Variants in INPP5A observed in about 807,000 individuals in gnomAD.
INPP5A encodes the protein 43 kDa inositol polyphosphate 5-phophatase.
INPP5A carries 14 observed loss-of-function variants against 65.2 expected under a neutral mutation model. That is an observed-to-expected ratio of 0.21 (90% CI 0.14 to 0.34). INPP5A has a LOEUF of 0.34. Among genes scored for constraint, INPP5A ranks in the 10% least tolerant of loss-of-function variants. The probability of loss-of-function intolerance (pLI) is 1.00; values close to 1 mark genes in which losing one functional copy is unlikely to be tolerated. For synonymous variants in INPP5A, 207 were observed against 208.3 expected, an observed-to-expected ratio of 0.99 and a Z score of 0.05; for missense variants, 431 against 545.6, an observed-to-expected ratio of 0.79 and a Z score of 2.09.
rs1488350078 is a variant in INPP5A, at chr10:132,704,557, C to A, written c.475-3756C>A. Among the ~76,000 whole-genome samples, 2 of 152,252 alleles carry A rather than the reference C, an allele frequency of 1.3e-5. No individual in the cohort carries two copies. Among genetic ancestry groups the A allele is most frequent in the Non-Finnish European group, 2.9e-5 (2 of 68,048 alleles). On this transcript the variant is annotated intron_variant, in intron 6 of 15. Transcript: ENST00000368594. The surrounding 1 kb of genome is among the most constrained non-coding windows in gnomAD (Gnocchi z 4.5). ...TGGGCTCTGTCCTCCCCTCCTTGTA[C>A]CCGAGGCCCCACAGCTGGGACTTGA...
At chr10:132,558,823 G>A (rs963207633) in intron 1 of INPP5A, among the ~76,000 whole-genome samples, 2 of 152,216 alleles carry the variant, frequency 1.3e-5, no homozygotes, top group African/African-American at 2.4e-5. Flanking sequence ...GCCGGCAGTC[G>A]CCTTGCAGTG....
chr10:132,608,115 G>A (rs576684378), intron 2 of INPP5A, among the ~76,000 whole-genome samples, 159 bp downstream of exon 2: 1 of 152,360 alleles, frequency 6.6e-6, no homozygotes, highest in Admixed American at 6.5e-5. Flanking sequence ...TGGGCAACAT[G>A]TTTCTGTGTC....
chr10:132,776,809 C>T (rs540348246), intron 12 of INPP5A, among the ~76,000 whole-genome samples: 32 of 152,204 alleles, frequency 2.1e-4, no homozygotes, highest in Non-Finnish European at 4.0e-4. Context: ...TTGCGTGTTC[C>T]AGACTCGGCG....
At chr10:132,553,902 T>C (rs544302280) in intron 1 of INPP5A, among the ~76,000 whole-genome samples, 334 of 142,538 alleles carry the variant, frequency 2.3e-3, no homozygotes, top group African/African-American at 8.6e-3. Flanking sequence ...GGAGGATTGG[T>C]GAACGCCTTC....
chr10:132,734,180 G>A (rs1464703058), intron 9 of INPP5A, among the ~76,000 whole-genome samples: 3 of 152,220 alleles, frequency 2.0e-5, no homozygotes, highest in Non-Finnish European at 4.4e-5. Context: ...TGAGATGCCA[G>A]CTATGCTCTC....
intron 2 of INPP5A, among the ~76,000 whole-genome samples, chr10:132,624,148 C>T (rs535165470): frequency 1.4e-5 from 2 of 143,976 alleles, no homozygotes; most frequent in African/African-American, 2.7e-5. Context: ...GACCCACGCA[C>T]GTTGCTCCTG....
intron 8 of INPP5A, among the ~76,000 whole-genome samples, chr10:132,712,199 G>GTGTGCC (rs1845649083): frequency 6.6e-6 from 1 of 152,258 alleles, no homozygotes; most frequent in Non-Finnish European, 1.5e-5. Flanking sequence ...GTGTGCATGT[G>GTGTGCC]TGTGCCTGTG....
chr10:132,579,812 G>A (rs977736959), intron 1 of INPP5A, among the ~76,000 whole-genome samples: 7 of 151,816 alleles, frequency 4.6e-5, no homozygotes, highest in East Asian at 1.9e-4. Flanking sequence ...CCCTATTTTC[G>A]TCTGACCCCT....
intron 12 of INPP5A, among the ~76,000 whole-genome samples, chr10:132,770,520 A>T (rs1322056995): frequency 6.6e-6 from 1 of 152,152 alleles, no homozygotes; most frequent in Non-Finnish European, 1.5e-5. Context: ...TCATTCATTT[A>T]TTAAGAAGAA....
Position 132,753,134 on chromosome 10 carries a change from C to A in INPP5A, c.903+3289C>A, listed in dbSNP as rs987603016. On this transcript the variant is annotated intron_variant, in intron 11 of 15. Transcript: ENST00000368594. This position sits in a 1 kb window ranked among gnomAD's most constrained non-coding sequence, Gnocchi z 5.3. ...CCTGGGACGACGGCACCTTCGGGAA[C>A]GCCCCATGGGTTCCTGCTGACCCGG... 2.6e-5 allele frequency among the ~76,000 whole-genome samples: 4 copies of A among 152,188 alleles called. No homozygotes were observed. Among genetic ancestry groups the A allele is most frequent in the Non-Finnish European group, 5.9e-5 (4 of 68,034 alleles).
At chr10:132,611,624 T>C (rs1405101810) in intron 2 of INPP5A, among the ~76,000 whole-genome samples, 22 of 100,138 alleles carry the variant, frequency 2.2e-4, no homozygotes, top group African/African-American at 2.4e-4. Flanking sequence ...GGAGAGGCCC[T>C]GTCAGGGGAG....
chr10:132,538,068 C>T lies in INPP5A; in HGVS notation c.-29C>T, dbSNP rs2070862781. Reference sequence around the variant, plus strand: ...GGAAGCGGCCGCCGCCGCCGCCGCCCAGCCCAGCGCCCGCGCCGCCCGGGC... The same window carrying T: ...GGAAGCGGCCGCCGCCGCCGCCGCCTAGCCCAGCGCCCGCGCCGCCCGGGC... On this transcript the variant is annotated 5_prime_UTR_variant, in exon 1 of 16. Coordinates refer to ENST00000368594, the MANE Select transcript of INPP5A (RefSeq NM_005539.5). The surrounding 1 kb of genome is among the most constrained non-coding windows in gnomAD (Gnocchi z 4.1). The T allele has an allele frequency of 8.2e-6, 9 of 1,099,092 alleles. No individual in the cohort carries two copies. The highest frequency in any genetic ancestry group is 8.9e-6 in the Non-Finnish European group (8 of 901,604). The allele number at this position is 1,099,092 out of a possible 1,614,324, so 68.1% of individuals were successfully genotyped here.
At chr10:132,708,247 G>T in intron 6 of INPP5A, 66 bp from the exon 7 acceptor site, 1 of 1,424,546 alleles carries the variant, frequency 7.0e-7, no homozygotes, top group Non-Finnish European at 9.9e-7. Flanking sequence ...CTTTAGGTGT[G>T]TGGGACCCAC....
intron 1 of INPP5A, among the ~76,000 whole-genome samples, chr10:132,578,638 T>G (rs2133296156): frequency 7.2e-6 from 1 of 138,126 alleles, no homozygotes. Context: ...CCCAGGAGAG[T>G]GTGCGGGGGC....
At chr10:132,689,473 TTAATG>T (rs1361533113) in intron 4 of INPP5A, among the ~76,000 whole-genome samples, 1 of 152,214 alleles carries the variant, frequency 6.6e-6, no homozygotes, top group Non-Finnish European at 1.5e-5. Flanking sequence ...TTTATAACGA[TTAATG>T]TATAGATGGT....
intron 9 of INPP5A, among the ~76,000 whole-genome samples, chr10:132,735,741 G>A (rs1846164760): frequency 6.6e-6 from 1 of 152,234 alleles, no homozygotes. Context: ...ACAGCAATGG[G>A]AGGCCGGGCA....
chr10:132,569,321 ATG>A (rs1395162676), intron 1 of INPP5A, among the ~76,000 whole-genome samples: 1 of 151,970 alleles, frequency 6.6e-6, no homozygotes, highest in Non-Finnish European at 1.5e-5. Context: ...GGTCTTGTAA[ATG>A]TTTCTGCATT....
chr10:132,545,103 G>A lies in INPP5A; in HGVS notation c.75+6932G>A, dbSNP rs2070952381. 6.6e-6 allele frequency among the ~76,000 whole-genome samples: 1 copy of A among 152,106 alleles called. No individual in the cohort carries two copies. The highest frequency in any genetic ancestry group is 6.6e-5 in the Admixed American group (1 of 15,266). On this transcript the variant is annotated intron_variant, in intron 1 of 15. Coordinates refer to ENST00000368594, the MANE Select transcript of INPP5A (RefSeq NM_005539.5). This position sits in a 1 kb window ranked among gnomAD's most constrained non-coding sequence, Gnocchi z 4.6. ...GCCCCACTCTGACCAGCACCACTGAGGAGTGTCTGTCCGTGTGGAGTTGTG... is the reference window on the plus strand; with the variant it reads ...GCCCCACTCTGACCAGCACCACTGAAGAGTGTCTGTCCGTGTGGAGTTGTG...
chr10:132,544,054 C>A (rs1029732404), intron 1 of INPP5A, among the ~76,000 whole-genome samples: 2 of 152,240 alleles, frequency 1.3e-5, no homozygotes, highest in Non-Finnish European at 2.9e-5. Flanking sequence ...TCAGGCAGTC[C>A]ATGGTGGCTG....
Sources: allele counts gnomAD v4.1 joint callset (sites outside exome capture counted in the v4.1 genomes callset), GRCh38; gene constraint gnomAD v4.1.1; non-coding constraint Gnocchi (gnomAD v3.1); transcripts MANE v1.5; gene names NCBI Gene and HGNC (gene_info 2026-07-23, HGNC 2026-07-21).